Variants in BLTP1 observed in about 807,000 individuals in gnomAD.
BLTP1 encodes the protein bridge-like lipid transfer protein family member 1.
the BLTP1 span, chr4:122,214,565 T>C: frequency 1.1e-6 from 1 of 943,502 alleles, no homozygotes; most frequent in Non-Finnish European, 1.3e-6. Flanking sequence ...ACCATCTACC[T>C]TACATTTGAT....
chr4:122,331,651 G>T, the BLTP1 span: 1 of 1,443,806 alleles, frequency 6.9e-7, no homozygotes, highest in African/African-American at 1.4e-5. Flanking sequence ...GATTTGAAGT[G>T]TAAATGTAAT....
At chr4:122,346,962 G>C in the BLTP1 span, 1 of 809,934 alleles carries the variant, frequency 1.2e-6, no homozygotes, top group Non-Finnish European at 1.5e-6. Flanking sequence ...AAGACAAAAA[G>C]TTTTGTCTTC....
the BLTP1 span, chr4:122,339,076 G>T: frequency 4.9e-6 from 5 of 1,028,474 alleles, no homozygotes; most frequent in Non-Finnish European, 5.6e-6. Context: ...ATGAGTTCAG[G>T]TGATATACTT....
chr4:122,235,600 T>G, the BLTP1 span: 1 of 300,684 alleles, frequency 3.3e-6, no homozygotes, highest in Non-Finnish European at 4.9e-6. Flanking sequence ...GGTCAGGAGA[T>G]CAAGACCATC....
At chr4:122,351,324 G>A in the BLTP1 span, 1 of 527,352 alleles carries the variant, frequency 1.9e-6, no homozygotes, top group Non-Finnish European at 2.4e-6. Flanking sequence ...ACACCTTAGA[G>A]CATACACCTC....
chr4:122,323,438 C>T, the BLTP1 span, among the ~76,000 whole-genome samples: 1 of 148,326 alleles, frequency 6.7e-6, no homozygotes, highest in African/African-American at 2.5e-5. Flanking sequence ...ACAGAGAACC[C>T]TCTTTTTTTT....
At chr4:122,279,721 T>C in the BLTP1 span, 1 of 1,538,088 alleles carries the variant, frequency 6.5e-7, no homozygotes, top group East Asian at 2.3e-5. Flanking sequence ...TTTCAAAATT[T>C]CTCTTTACTT....
the BLTP1 span, chr4:122,210,922 A>C: frequency 1.2e-6 from 2 of 1,613,522 alleles, no homozygotes; most frequent in South Asian, 2.2e-5. Flanking sequence ...ATCTGTATTA[A>C]GGCCATCCCA....
chr4:122,265,297 T>TA, the BLTP1 span, among the ~76,000 whole-genome samples: 1 of 152,210 alleles, frequency 6.6e-6, no homozygotes, highest in Admixed American at 6.5e-5. Context: ...CTAGATTACT[T>TA]ATAATACCTA....
the BLTP1 span, chr4:122,214,188 C>T: frequency 1.0e-6 from 1 of 962,976 alleles, no homozygotes; most frequent in Non-Finnish European, 1.2e-6. Flanking sequence ...GAGAAATGAG[C>T]ATCATTGGAT....
the BLTP1 span, among the ~76,000 whole-genome samples, chr4:122,155,163 GTTTTC>G: frequency 2.6e-5 from 4 of 152,088 alleles, no homozygotes; most frequent in African/African-American, 7.2e-5. Context: ...GAATTAATAT[GTTTTC>G]TTTATTTGAT....
chr4:122,261,482 G>A, the BLTP1 span: 7 of 980,182 alleles, frequency 7.1e-6, no homozygotes, highest in South Asian at 9.4e-5. Flanking sequence ...TAAATTGATC[G>A]GCCATTCTAA....
chr4:122,324,403 C>CT, the BLTP1 span: 1 of 1,604,022 alleles, frequency 6.2e-7, no homozygotes, highest in South Asian at 1.1e-5. Flanking sequence ...TATAGTCACC[C>CT]TTTTTTCTCT....
chr4:122,168,684 A>G, the BLTP1 span, among the ~76,000 whole-genome samples: 1 of 152,166 alleles, frequency 6.6e-6, no homozygotes, highest in Non-Finnish European at 1.5e-5. Context: ...GCTTTGAAAA[A>G]TACGAGAACA....
At chr4:122,323,814 G>A in the BLTP1 span, among the ~76,000 whole-genome samples, 1 of 151,932 alleles carries the variant, frequency 6.6e-6, no homozygotes, top group Non-Finnish European at 1.5e-5. Context: ...GATAGAATTA[G>A]GGAAGTTGTT....
the BLTP1 span, chr4:122,246,701 C>T: frequency 6.2e-7 from 1 of 1,612,352 alleles, no homozygotes; most frequent in Non-Finnish European, 8.5e-7. Flanking sequence ...ATGTTTGTTA[C>T]AAGCCTCAGT....
the BLTP1 span, chr4:122,339,192 G>T: frequency 6.2e-7 from 1 of 1,607,568 alleles, no homozygotes; most frequent in Non-Finnish European, 8.5e-7. Flanking sequence ...ACCTTTTGCT[G>T]TCTGTTATTT....
At chr4:122,156,049 A>G in the BLTP1 span, 2 of 789,394 alleles carry the variant, frequency 2.5e-6, no homozygotes, top group Non-Finnish European at 1.5e-6. Context: ...AACTGAGTAG[A>G]TTCTGGGGCC....
the BLTP1 span, chr4:122,198,177 A>G: frequency 1.0e-6 from 1 of 977,518 alleles, no homozygotes; most frequent in Non-Finnish European, 1.2e-6. Context: ...TAATCAATTG[A>G]AAAAGTGACT....
Sources: allele counts gnomAD v4.1 joint callset (sites outside exome capture counted in the v4.1 genomes callset), GRCh38; gene constraint gnomAD v4.1.1; transcripts MANE v1.5; gene names NCBI Gene and HGNC (gene_info 2026-07-23, HGNC 2026-07-21).